The following HS3ST5 variants were observed in gnomAD, a reference collection of about 807,000 sequenced individuals.
The protein encoded by HS3ST5 is heparan sulfate glucosamine 3-O-sulfotransferase 5.
HS3ST5 carries 10 observed loss-of-function variants against 25.4 expected under a neutral mutation model. The observed-to-expected ratio is 0.39, with a 90% CI of 0.24 to 0.67. The LOEUF is 0.67. HS3ST5 is among the 30% of genes least tolerant of loss of function. The pLI is 0.44. For synonymous variants in HS3ST5, 170 were observed against 162.4 expected, an observed-to-expected ratio of 1.05 and a Z score of -0.36; for missense variants, 324 against 420.7, an observed-to-expected ratio of 0.77 and a Z score of 2.01.
At chr6:114,085,239 A>C (rs898177817) in intron 3 of HS3ST5, among the ~76,000 whole-genome samples, 2 of 152,108 alleles carry the variant, frequency 1.3e-5, no homozygotes, top group African/African-American at 2.4e-5. Flanking sequence ...TCATTTTATA[A>C]GAAACTTTAT....
chr6:114,160,944 C>T (rs780921906), intron 3 of HS3ST5, among the ~76,000 whole-genome samples: 32 of 152,234 alleles, frequency 2.1e-4, no homozygotes, highest in Non-Finnish European at 2.8e-4. Flanking sequence ...AATAACCTTT[C>T]AAAAACTAGC....
At chr6:114,287,612 C>G (rs999827006) in intron 1 of HS3ST5, among the ~76,000 whole-genome samples, 1 of 151,954 alleles carries the variant, frequency 6.6e-6, no homozygotes, top group Non-Finnish European at 1.5e-5. Context: ...GAAAAAGAAG[C>G]ATTTTGACTT....
chr6:114,104,392 T>C (rs1418281170), intron 3 of HS3ST5, among the ~76,000 whole-genome samples: 3 of 152,174 alleles, frequency 2.0e-5, no homozygotes, highest in Non-Finnish European at 4.4e-5. Flanking sequence ...GTATCTCAAA[T>C]CCAGGCCTCC....
At position 114,057,779 on chromosome 6, in the gene HS3ST5, G is replaced by T. The variant is rs770564913; in HGVS notation, c.519C>A (p.Asn173Lys). The T allele has an allele frequency of 1.9e-6, 3 of 1,614,130 alleles. No homozygotes were observed. In the South Asian group the frequency reaches 3.3e-5, roughly 18 times the overall value. ...CAATGATCAACAACTTGATGGATGA[G>T]TTCATTTTGTAAATCCTTTCTGGAA... ...EEVPERIYKMNSSIKLLIIVR... is the reference protein window; with the variant it reads ...EEVPERIYKMKSSIKLLIIVR... The change falls in exon 5 of 5, where the codon AAC becomes AAA. Residue 173 changes from asparagine to lysine, a missense_variant. Coordinates refer to ENST00000312719, the MANE Select transcript of HS3ST5 (RefSeq NM_153612.4).
At chr6:114,177,873 G>GT (rs1329252332) in intron 2 of HS3ST5, among the ~76,000 whole-genome samples, 2 of 152,116 alleles carry the variant, frequency 1.3e-5, no homozygotes, top group Non-Finnish European at 2.9e-5. Flanking sequence ...AAATAAGAAT[G>GT]TTTTTTCATA....
intron 3 of HS3ST5, among the ~76,000 whole-genome samples, chr6:114,114,955 A>C (rs1776447621): frequency 6.6e-6 from 1 of 152,126 alleles, no homozygotes; most frequent in Non-Finnish European, 1.5e-5. Flanking sequence ...AGCTTTATAA[A>C]TGCAAGGACA....
At chr6:114,083,426 T>TGGGAGTGG (rs1240805666) in intron 3 of HS3ST5, among the ~76,000 whole-genome samples, 1 of 151,790 alleles carries the variant, frequency 6.6e-6, no homozygotes, top group Non-Finnish European at 1.5e-5. Context: ...GGAGACGGGA[T>TGGGAGTGG]GGGAGTGGGG....
At chr6:114,253,493 A>G (rs918788232) in intron 1 of HS3ST5, among the ~76,000 whole-genome samples, 39 of 152,294 alleles carry the variant, frequency 2.6e-4, no homozygotes, top group African/African-American at 8.7e-4. Context: ...TGTAATTTAA[A>G]TCTGAAGAGC....
At chr6:114,247,629 G>A (rs1244732033) in intron 1 of HS3ST5, among the ~76,000 whole-genome samples, 4 of 151,832 alleles carry the variant, frequency 2.6e-5, no homozygotes, top group African/African-American at 9.7e-5. Flanking sequence ...TTAAAAGTCT[G>A]CTGTTAAACA....
chr6:114,155,757 C>A (rs945392350), intron 3 of HS3ST5, among the ~76,000 whole-genome samples: 1 of 152,166 alleles, frequency 6.6e-6, no homozygotes, highest in Non-Finnish European at 1.5e-5. Flanking sequence ...TAAACACAAA[C>A]GTCACGTACT....
chr6:114,068,797 T>TC (rs1773617674), intron 3 of HS3ST5, among the ~76,000 whole-genome samples: 1 of 152,120 alleles, frequency 6.6e-6, no homozygotes, highest in African/African-American at 2.4e-5. Context: ...ACATTTAAGC[T>TC]CCCCCCATCC....
At chr6:114,166,174 T>A (rs1779200958) in intron 3 of HS3ST5, among the ~76,000 whole-genome samples, 1 of 151,588 alleles carries the variant, frequency 6.6e-6, no homozygotes, top group Admixed American at 6.6e-5. Context: ...GGTAGTTTCC[T>A]TAGGTCTACT....
intron 3 of HS3ST5, among the ~76,000 whole-genome samples, chr6:114,082,580 A>G (rs1161232794): frequency 1.3e-5 from 2 of 152,200 alleles, no homozygotes; most frequent in Non-Finnish European, 2.9e-5. Flanking sequence ...AAAGCTAGAC[A>G]CTAGTTAAAG....
intron 2 of HS3ST5, among the ~76,000 whole-genome samples, chr6:114,198,952 A>C (rs1424119595): frequency 6.6e-6 from 1 of 152,200 alleles, no homozygotes; most frequent in African/African-American, 2.4e-5. Flanking sequence ...ATTGGCCTAT[A>C]AAAGGTTACT....
At chr6:114,157,819 CT>C (rs1392930733) in intron 3 of HS3ST5, among the ~76,000 whole-genome samples, 13 of 152,086 alleles carry the variant, frequency 8.5e-5, no homozygotes, top group Middle Eastern at 3.2e-3. Flanking sequence ...TTAATGCTTG[CT>C]TTTTTAGCAT....
intron 1 of HS3ST5, among the ~76,000 whole-genome samples, chr6:114,303,140 A>C (rs961898782): frequency 5.9e-5 from 9 of 152,132 alleles, no homozygotes; most frequent in Admixed American, 5.9e-4. Context: ...CCTCAACTCT[A>C]CCTAAGCTTT....
intron 3 of HS3ST5, among the ~76,000 whole-genome samples, chr6:114,152,033 C>T (rs1022832986): frequency 1.3e-5 from 2 of 152,036 alleles, no homozygotes; most frequent in African/African-American, 4.8e-5. Context: ...CGGCTTCAAG[C>T]GATTCTTTTG....
intron 1 of HS3ST5, among the ~76,000 whole-genome samples, chr6:114,319,041 G>C (rs1038665790): frequency 3.3e-5 from 5 of 151,728 alleles, no homozygotes; most frequent in African/African-American, 9.7e-5. Context: ...AACAAACAGT[G>C]GATATATAAG....
intron 3 of HS3ST5, among the ~76,000 whole-genome samples, chr6:114,129,449 G>T (rs1420834560): frequency 6.6e-6 from 1 of 151,910 alleles, no homozygotes; most frequent in East Asian, 1.9e-4. Context: ...TAGAGACAGG[G>T]TTTCATCGTG....
Sources: allele counts gnomAD v4.1 joint callset (sites outside exome capture counted in the v4.1 genomes callset), GRCh38; gene constraint gnomAD v4.1.1; transcripts MANE v1.5; gene names NCBI Gene and HGNC (gene_info 2026-07-23, HGNC 2026-07-21).